MAP3K8: variants seen among roughly 807,000 people sequenced by gnomAD.
MAP3K8 encodes the protein mitogen-activated protein kinase kinase kinase 8.
Under a neutral mutation model 45.8 loss-of-function variants are expected in MAP3K8, and 22 were observed. That is an observed-to-expected ratio of 0.48 (90% CI 0.34 to 0.69). MAP3K8 has a LOEUF of 0.69. MAP3K8 is among the 30% of genes least tolerant of loss of function. The pLI, the probability that MAP3K8 is intolerant of heterozygous loss-of-function variation, is 0.01. For missense variants in MAP3K8, 419 were observed against 585.0 expected, an observed-to-expected ratio of 0.72 and a Z score of 2.93; for synonymous variants, 223 against 214.3, an observed-to-expected ratio of 1.04 and a Z score of -0.36.
Position 30,439,018 on chromosome 10 carries a change from T to C in MAP3K8, c.80T>C (p.Ile27Thr). The change falls in exon 3 of 9, where the codon ATA becomes ACA. Residue 27 changes from isoleucine to threonine, a missense_variant. By Grantham distance (89) the Ile-to-Thr change is moderately conservative. Coordinates refer to ENST00000263056, the MANE Select transcript of MAP3K8 (RefSeq NM_005204.4). ...LIKHLNVSDVIDIMENLYASE... is the reference protein window; with the variant it reads ...LIKHLNVSDVTDIMENLYASE... ...AAACATTTAAATGTGTCTGATGTAA[T>C]AGACATTATGGAAAATCTTTATGCA... 1 of 1,611,318 alleles carries C rather than the reference T, an allele frequency of 6.2e-7. No individual in the cohort carries two copies. The highest frequency in any genetic ancestry group is 8.5e-7 in the Non-Finnish European group (1 of 1,177,408).
At chr10:30,457,755 C>T (rs1836786975) in intron 6 of MAP3K8, among the ~76,000 whole-genome samples, 1 of 152,184 alleles carries the variant, frequency 6.6e-6, no homozygotes, top group African/African-American at 2.4e-5. Context: ...AAGCGATTCT[C>T]CTTGCCTCAG....
chr10:30,444,020 C>T (rs1319280980), intron 3 of MAP3K8, among the ~76,000 whole-genome samples: 3 of 151,340 alleles, frequency 2.0e-5, no homozygotes, highest in African/African-American at 7.3e-5. Context: ...AGACCCCCAT[C>T]TCCACAAAAA....
chr10:30,457,189 CTATT>C (rs1310014593), intron 6 of MAP3K8, among the ~76,000 whole-genome samples: 3 of 151,966 alleles, frequency 2.0e-5, no homozygotes, highest in African/African-American at 2.4e-5. Flanking sequence ...GTTAGAGAAA[CTATT>C]TATAAAACCA....
intron 3 of MAP3K8, among the ~76,000 whole-genome samples, chr10:30,442,256 A>G (rs1836141005): frequency 6.6e-6 from 1 of 152,220 alleles, no homozygotes; most frequent in Admixed American, 6.5e-5. Flanking sequence ...CAGGCAGGAT[A>G]CTTTACATAG....
chr10:30,448,414 T>TTTTTTATTATTATTA (rs34801475), intron 4 of MAP3K8, among the ~76,000 whole-genome samples: 6,733 of 136,342 alleles, frequency 0.049, 235 homozygotes, highest in East Asian at 0.075. Context: ...CTATCCCAAA[T>TTTTTTATTATTATTA]TTATTATTAT....
intron 3 of MAP3K8, among the ~76,000 whole-genome samples, 146 bp from the exon 4 acceptor site, chr10:30,447,625 TAGTCTCTGTAC>T (rs1836385660): frequency 6.6e-6 from 1 of 152,230 alleles, no homozygotes; most frequent in African/African-American, 2.4e-5. Context: ...GCTCTAAATA[TAGTCTCTGTAC>T]AGTTGGTAGG....
chr10:30,449,376 C>A lies in MAP3K8; in HGVS notation c.505-882C>A, dbSNP rs552935366. ...TCTTCTGCCTCAGCCTCCCAAGTAC[C>A]TGGGATTACAGGCACTCACCCCCAC... is the stretch of plus-strand genomic sequence containing the variant. On this transcript the variant is annotated intron_variant, in intron 4 of 8. Transcript: ENST00000263056. Among the ~76,000 whole-genome samples the A allele has an allele frequency of 2.4e-3, 363 of 152,286 alleles. 1 individual carries two copies. The highest frequency in any genetic ancestry group is 8.1e-3 in the African/African-American group (338 of 41,542).
intron 6 of MAP3K8, among the ~76,000 whole-genome samples, chr10:30,452,329 C>T (rs934835137): frequency 4.0e-5 from 6 of 151,876 alleles, no homozygotes; most frequent in African/African-American, 1.5e-4. Flanking sequence ...ATTAACCAGG[C>T]GTGGTGGCGG....
At chr10:30,455,697 G>A (rs548663930) in intron 6 of MAP3K8, among the ~76,000 whole-genome samples, 6 of 152,142 alleles carry the variant, frequency 3.9e-5, no homozygotes, top group African/African-American at 1.2e-4. Context: ...GCACACACAC[G>A]GTCTCTTTCC....
At chr10:30,446,933 T>C (rs1836361032) in intron 3 of MAP3K8, among the ~76,000 whole-genome samples, 1 of 152,170 alleles carries the variant, frequency 6.6e-6, no homozygotes, top group Non-Finnish European at 1.5e-5. Flanking sequence ...TTTTTTTCTG[T>C]AGAAATGAAG....
At chr10:30,447,382 T>C (rs1004847245) in intron 3 of MAP3K8, among the ~76,000 whole-genome samples, 4 of 152,220 alleles carry the variant, frequency 2.6e-5, no homozygotes, top group African/African-American at 9.6e-5. Flanking sequence ...GTGTGAGTAA[T>C]AGCTATGTGG....
chr10:30,441,467 T>A lies in MAP3K8; in HGVS notation c.336+2193T>A, dbSNP rs555135822. On this transcript the variant is annotated intron_variant, in intron 3 of 8. Transcript: ENST00000263056. Reference sequence around the variant, plus strand: ...CCACCGCACCTGGCCAGGAAAAATTTTAAGAATAAACAAATACATAAGTAA... The same window carrying A: ...CCACCGCACCTGGCCAGGAAAAATTATAAGAATAAACAAATACATAAGTAA... Among the ~76,000 whole-genome samples, 14 of 152,130 alleles carry A rather than the reference T, an allele frequency of 9.2e-5. No individual in the cohort carries two copies. The East Asian group carries it at 2.7e-3, about 29-fold the overall frequency.
intron 3 of MAP3K8, among the ~76,000 whole-genome samples, chr10:30,440,220 C>T (rs1588766735): frequency 6.6e-6 from 1 of 152,120 alleles, no homozygotes; most frequent in African/African-American, 2.4e-5. Context: ...CAGAGGTGAA[C>T]GTAGGTGCTG....
chr10:30,434,735 C>T, intron 1 of MAP3K8: 1 of 985,584 alleles, frequency 1.0e-6, no homozygotes, highest in Non-Finnish European at 1.2e-6. Flanking sequence ...CGCACTCTCC[C>T]TGCCCGAGAC....
intron 6 of MAP3K8, among the ~76,000 whole-genome samples, chr10:30,454,115 G>C (rs976341203): frequency 6.6e-6 from 1 of 152,178 alleles, no homozygotes; most frequent in Non-Finnish European, 1.5e-5. Context: ...CACCACTACC[G>C]GGGGAAGCTG....
At chr10:30,434,864 T>G (rs1835863479) in intron 1 of MAP3K8, 2 of 845,560 alleles carry the variant, frequency 2.4e-6, no homozygotes, top group Non-Finnish European at 2.8e-6. Context: ...GGAGTGGGAG[T>G]GTGGGTTGGC....
chr10:30,440,803 T>C (rs1049936801), intron 3 of MAP3K8, among the ~76,000 whole-genome samples: 2 of 152,048 alleles, frequency 1.3e-5, no homozygotes, highest in African/African-American at 2.4e-5. Flanking sequence ...GGGAATTAAA[T>C]TTTTTTTAAA....
Position 30,454,580 on chromosome 10 carries a change from C to G in MAP3K8, c.873+2836C>G, listed in dbSNP as rs8177019. Among the ~76,000 whole-genome samples, 590 of 146,510 alleles carry G rather than the reference C, an allele frequency of 4.0e-3. 6 individuals carry two copies. Among genetic ancestry groups the G allele is most frequent in the African/African-American group, 0.013 (539 of 40,410 alleles). ...GACCTTGTCCTAAAAAAAAAAAAAA[C>G]GCCAAGATTCTGTAAGTCCTTTCTC... On this transcript the variant is annotated intron_variant, in intron 6 of 8. Transcript: ENST00000263056.
At chr10:30,457,082 T>C (rs912672289) in intron 6 of MAP3K8, among the ~76,000 whole-genome samples, 3 of 147,678 alleles carry the variant, frequency 2.0e-5, no homozygotes, top group Non-Finnish European at 4.5e-5. Context: ...AGACCCCATC[T>C]CGAAAAAAAA....
Sources: gnomAD v4.1 joint callset for allele counts (sites outside exome capture counted in the v4.1 genomes callset) on GRCh38, gnomAD v4.1.1 for gene constraint, MANE v1.5 for transcripts, NCBI Gene and HGNC (gene_info 2026-07-23, HGNC 2026-07-21) for gene names.